AHNAK: variants seen among roughly 807,000 people sequenced by gnomAD.
AHNAK encodes the protein neuroblast differentiation-associated protein AHNAK.
A neutral mutation model predicts 37.8 loss-of-function variants in AHNAK; 23 were observed. The ratio of observed to expected loss-of-function variants is 0.61; its 90% CI spans 0.44 to 0.86. The LOEUF (loss-of-function observed/expected upper bound fraction) is 0.86, where lower values mean the gene tolerates loss of function less well. Ranked by LOEUF, AHNAK falls within the 40% of genes least tolerant of loss-of-function variation. The pLI is 0.00. For missense variants in AHNAK, 7,411 were observed against 7,319.4 expected (o/e 1.01, Z -0.46); for synonymous variants, 2,481 against 2,636.3 (o/e 0.94, Z 1.80).
At chr11:62,543,856 T>G (rs1434023266) in intron 1 of AHNAK, among the ~76,000 whole-genome samples, 1 of 152,206 alleles carries the variant, frequency 6.6e-6, no homozygotes, top group East Asian at 1.9e-4. Context: ...AACCTAAGCG[T>G]GCACAGCACG....
intron 1 of AHNAK, 92 bp from the exon 2 acceptor site, chr11:62,536,659 C>A (rs1430081694): frequency 2.0e-5 from 3 of 152,386 alleles, no homozygotes; most frequent in Non-Finnish European, 4.4e-5. Context: ...CCTCTGCTAC[C>A]CAGGCCAGCT....
At chr11:62,447,036 T>C (rs1938434707) in intron 5 of AHNAK, among the ~76,000 whole-genome samples, 1 of 151,982 alleles carries the variant, frequency 6.6e-6, no homozygotes, top group African/African-American at 2.4e-5. Flanking sequence ...AAATGTGCAA[T>C]CAAGCCCAGC....
At position 62,516,660 on chromosome 11, in the gene AHNAK, C is replaced by T; in HGVS notation, c.*84G>A. On this transcript the variant is annotated 3_prime_UTR_variant, in exon 5 of 5. Transcript: ENST00000378024. ...GATTGCTGAGGCAGTCGGTGTGTTT[C>T]CCTTTGGAGTTTATATAGGAACACA... 6.6e-7 allele frequency: 1 copy of T among 1,509,788 alleles called. No homozygotes were observed. Among genetic ancestry groups the T allele is most frequent in the Non-Finnish European group, 8.8e-7 (1 of 1,136,158 alleles). 93.5% of individuals were successfully genotyped at this position (1,509,788 alleles called of 1,614,324 possible).
At chr11:62,471,422 A>C (rs993709864) in intron 5 of AHNAK, among the ~76,000 whole-genome samples, 1 of 152,202 alleles carries the variant, frequency 6.6e-6, no homozygotes, top group South Asian at 2.1e-4. Context: ...TGATCCGCCC[A>C]CCTCAGCCTC....
chr11:62,494,730 G>A (rs1037434826), intron 4 of AHNAK, among the ~76,000 whole-genome samples: 9 of 152,000 alleles, frequency 5.9e-5, no homozygotes, highest in Non-Finnish European at 1.2e-4. Context: ...AGCCAGGACC[G>A]CCGGGCGCAG....
In AHNAK at chr11:62,530,768, C is replaced by G; in HGVS notation, c.3649G>C (p.Val1217Leu). ...TTCATTTCACCTTCTACCTTGGGCACAGACACATCCACATCCCCTTTGACT... is the reference window on the plus strand; with the variant it reads ...TTCATTTCACCTTCTACCTTGGGCAGAGACACATCCACATCCCCTTTGACT... ...PKVKGDVDVS[V>L]PKVEGEMKVP... The change falls in exon 5 of 5, where the codon GTG (valine) becomes CTG (leucine). Residue 1217 changes from valine (V) to leucine (L), a missense_variant. Coordinates refer to ENST00000378024, the MANE Select transcript of AHNAK (RefSeq NM_001620.3). The G allele has an allele frequency of 6.2e-7, 1 of 1,613,310 alleles. No individual in the cohort carries two copies. The highest frequency in any genetic ancestry group is 2.2e-5 in the East Asian group (1 of 44,804).
Position 62,519,511 on chromosome 11 carries a change from T to C in AHNAK, c.14906A>G (p.Asp4969Gly), listed in dbSNP as rs574115758. The change falls in exon 5 of 5, where the codon GAT becomes GGT. Residue 4969 changes from aspartate (D) to glycine (G), a missense_variant. Physicochemically the swap from Asp to Gly is moderately conservative, Grantham distance 94. Transcript: ENST00000378024. ...TTTCTTAAATTTGGGGATTTTAACA[T>C]CTGGCCCTTCGATGTTAATATCTGG... The part of the protein sequence containing the change: ...DSPDINIEGP[D>G]VKIPKFKKPK... The C allele has an allele frequency of 4.3e-6, 7 of 1,613,012 alleles. No individual in the cohort carries two copies. The Admixed American group carries it at 1.2e-4, about 27-fold the overall frequency.
chr11:62,523,519 A>G lies in AHNAK; in HGVS notation c.10898T>C (p.Ile3633Thr). 6.2e-7 allele frequency: 1 copy of G among 1,614,082 alleles called. No individual in the cohort carries two copies. The highest frequency in any genetic ancestry group is 8.5e-7 in the Non-Finnish European group (1 of 1,180,022). The change falls in exon 5 of 5, where the codon ATT (isoleucine) becomes ACT (threonine). Residue 3633 changes from isoleucine to threonine, a missense_variant. Transcript: ENST00000378024. Reference protein sequence around the residue: ...DVTLPKADIDISGPNVDVDVP... With the variant: ...DVTLPKADIDTSGPNVDVDVP... ...ATCAACGTCTACATTGGGACCAGAA[A>G]TGTCAATGTCAGCTTTAGGGAGGGT...
intron 5 of AHNAK, among the ~76,000 whole-genome samples, chr11:62,476,524 G>T (rs576663008): frequency 6.6e-6 from 1 of 152,112 alleles, no homozygotes; most frequent in Non-Finnish European, 1.5e-5. Context: ...AGAAGTTCCC[G>T]AAGAACTCAA....
chr11:62,480,803 TAAAAAAAAAA>T (rs1172126377), intron 5 of AHNAK, among the ~76,000 whole-genome samples: 1 of 44,492 alleles, frequency 2.2e-5, no homozygotes, highest in South Asian at 8.9e-4. Flanking sequence ...TGCGTGCAGT[TAAAAAAAAAA>T]AAAAAAAAAA....
In AHNAK at chr11:62,521,230, C is replaced by A. The variant is rs1009337022; in HGVS notation, c.13187G>T (p.Gly4396Val). 2 of 1,613,858 alleles carry A rather than the reference C, an allele frequency of 1.2e-6. No individual in the cohort carries two copies. Among genetic ancestry groups the A allele is most frequent in the African/African-American group, 1.3e-5 (1 of 74,832 alleles). ...SMPDIDFNLKGPKVKGDVDVS... is the reference protein window; with the variant it reads ...SMPDIDFNLKVPKVKGDVDVS... ...ATCCACATCACCTTTCACTTTGGGA[C>A]CCTTCAAGTTAAAGTCAATGTCAGG... The change falls in exon 5 of 5, where the codon GGT becomes GTT. Residue 4396 changes from glycine to valine, a missense_variant. Transcript: ENST00000378024.
chr11:62,471,041 T>C lies in AHNAK; in HGVS notation c.442+20691A>G, dbSNP rs72925357. ...ATTTATACCAATACGAAAGAAGGCT[T>C]TGGGGAGAAACTTTTGTCAGGCAAG... On this transcript the variant is annotated intron_variant, in intron 5 of 5. Coordinates refer to the AHNAK transcript ENST00000257247. Among the ~76,000 whole-genome samples the C allele has an allele frequency of 5.9e-3, 902 of 152,172 alleles. 6 individuals carry two copies. The highest frequency in any genetic ancestry group is 0.02 in the Middle Eastern group (6 of 294).
Position 62,521,171 on chromosome 11 carries a change from C to A in AHNAK, c.13246G>T (p.Gly4416Cys). 2.5e-6 allele frequency: 4 copies of A among 1,614,004 alleles called. No individual in the cohort carries two copies. The highest frequency in any genetic ancestry group is 3.4e-6 in the Non-Finnish European group (4 of 1,180,000). Residue 4416 changes from glycine (G) to cysteine (C), a missense_variant, in exon 5 of 5, where the codon GGC becomes TGC. Gly to Cys is a radical substitution (Grantham distance 159). Coordinates refer to ENST00000378024, the MANE Select transcript of AHNAK (RefSeq NM_001620.3). ...GGGCCTTTTATGTCAATTTCAGGGC[C>A]CTTGAGATCACCTTCCACTTTGGGC... ...SLPKVEGDLK[G>C]PEIDIKGPSL...
intron 2 of AHNAK, 145 bp downstream of exon 2, chr11:62,536,324 G>A (rs1252989868): frequency 4.3e-6 from 2 of 466,974 alleles, no homozygotes; most frequent in African/African-American, 4.1e-5. Flanking sequence ...AAAGAAGATG[G>A]AAAGGAGACA....
Position 62,468,548 on chromosome 11 carries a change from A to T in AHNAK, c.442+23184T>A, listed in dbSNP as rs1590606793. Among the ~76,000 whole-genome samples the T allele has an allele frequency of 3.3e-5, 5 of 152,220 alleles. No individual in the cohort carries two copies. The South Asian group carries it at 1.0e-3, about 32-fold the overall frequency. On this transcript the variant is annotated intron_variant, in intron 5 of 5. Coordinates refer to the AHNAK transcript ENST00000257247. Reference sequence around the variant, plus strand: ...AGATCAAACCAAAATGGAATTATTCATGCTCAAGTTCCACACCACCAAGCC... The same window carrying T: ...AGATCAAACCAAAATGGAATTATTCTTGCTCAAGTTCCACACCACCAAGCC...
intron 4 of AHNAK, among the ~76,000 whole-genome samples, chr11:62,492,075 C>T (rs908161779): frequency 3.3e-5 from 5 of 152,192 alleles, no homozygotes; most frequent in South Asian, 2.1e-4. Context: ...TGTGAAAGCC[C>T]GGGGAATCTC....
In AHNAK at chr11:62,483,470, T is replaced by C. The variant is rs555075874; in HGVS notation, c.442+8262A>G. Among the ~76,000 whole-genome samples the C allele has an allele frequency of 8.5e-5, 13 of 152,250 alleles. No individual in the cohort carries two copies. In the South Asian group the frequency reaches 2.5e-3, roughly 29 times the overall value. On this transcript the variant is annotated intron_variant, in intron 5 of 5. Transcript: ENST00000257247. ...GGCCGGGCGCGGTGGCTCGCGCCTGTAATCCCAGCACTCTGGGAGGCCGAG... is the reference window on the plus strand; with the variant it reads ...GGCCGGGCGCGGTGGCTCGCGCCTGCAATCCCAGCACTCTGGGAGGCCGAG...
In AHNAK at chr11:62,529,924, T is replaced by C; in HGVS notation, c.4493A>G (p.Asp1498Gly). 6.2e-7 allele frequency: 1 copy of C among 1,612,274 alleles called. No homozygotes were observed. Among genetic ancestry groups the C allele is most frequent in the African/African-American group, 1.3e-5 (1 of 74,378 alleles). Reference sequence around the variant, plus strand: ...CCAGTCTGGGCCATGAACCTCCACATCTGGTGCATTAATATCAACTTTGGG... The same window carrying C: ...CCAGTCTGGGCCATGAACCTCCACACCTGGTGCATTAATATCAACTTTGGG... ...KGPKVDINAP[D>G]VEVHGPDWHL... The change falls in exon 5 of 5, where the codon GAT (aspartate) becomes GGT (glycine). Residue 1498 changes from aspartate to glycine, a missense_variant. By Grantham distance (94) the Asp-to-Gly change is moderately conservative (BLOSUM62 -1). Coordinates refer to ENST00000378024, the MANE Select transcript of AHNAK (RefSeq NM_001620.3).
chr11:62,500,038 T>A (rs762886826), intron 4 of AHNAK, among the ~76,000 whole-genome samples: 1 of 152,192 alleles, frequency 6.6e-6, no homozygotes, highest in Non-Finnish European at 1.5e-5. Flanking sequence ...AGCTTGCTTC[T>A]TGTCTAAGCT....
Sources: gnomAD v4.1 joint callset for allele counts (sites outside exome capture counted in the v4.1 genomes callset) on GRCh38, gnomAD v4.1.1 for gene constraint, MANE v1.5 for transcripts, NCBI Gene and HGNC (gene_info 2026-07-23, HGNC 2026-07-21) for gene names.